The following SLC44A1 variants were observed in gnomAD, a reference collection of about 807,000 sequenced individuals.
SLC44A1 encodes choline transporter-like protein 1.
In SLC44A1, 26 loss-of-function variants were observed where a neutral mutation model predicts 79.3. The ratio of observed to expected loss-of-function variants is 0.33; its 90% confidence interval spans 0.24 to 0.46. The LOEUF is 0.46. SLC44A1 is among the 20% of genes least tolerant of loss of function. The pLI, the probability that SLC44A1 is intolerant of heterozygous loss-of-function variation, is 1.00. For missense variants in SLC44A1, 688 were observed against 798.1 expected (o/e 0.86, Z 1.66); for synonymous variants, 263 against 286.2 (o/e 0.92, Z 0.82).
intron 2 of SLC44A1, among the ~76,000 whole-genome samples, chr9:105,302,769 A>G (rs1830914634): frequency 6.6e-6 from 1 of 152,010 alleles, no homozygotes; most frequent in Non-Finnish European, 1.5e-5. Context: ...GAGACCCACT[A>G]TTATAGGCAC....
intron 5 of SLC44A1, among the ~76,000 whole-genome samples, chr9:105,349,558 G>A (rs1827340715): frequency 6.6e-6 from 1 of 152,100 alleles, no homozygotes. Flanking sequence ...TAGTAAGAGA[G>A]ACTTACAAAT....
intron 15 of SLC44A1, among the ~76,000 whole-genome samples, chr9:105,405,300 G>A (rs183259429): frequency 1.3e-5 from 2 of 150,060 alleles, no homozygotes; most frequent in African/African-American, 2.5e-5. Flanking sequence ...CAGCCTGGGC[G>A]ACAGAGCAAG....
At chr9:105,357,251 C>A (rs890394310) in intron 6 of SLC44A1, 1 of 152,148 alleles carries the variant, frequency 6.6e-6, no homozygotes, top group African/African-American at 2.4e-5. Context: ...ACATTTATTG[C>A]AAAAGTGAGT....
At position 105,382,814 on chromosome 9, in the gene SLC44A1, C is replaced by T. The variant is rs144059626; in HGVS notation, c.1633-309C>T. 4.1e-3 allele frequency among the ~76,000 whole-genome samples: 630 copies of T among 152,174 alleles called. 7 individuals carry two copies. Among genetic ancestry groups the T allele is most frequent in the Non-Finnish European group, 3.4e-3 (233 of 67,988 alleles). On this transcript the variant is annotated intron_variant, in intron 13 of 15. Coordinates refer to ENST00000374720, the MANE Select transcript of SLC44A1 (RefSeq NM_080546.5). ...GTAAATTTTTTCTAAAATATGCATACATTTATCTTAAAAATTGCCACAGAT... is the reference window on the plus strand; with the variant it reads ...GTAAATTTTTTCTAAAATATGCATATATTTATCTTAAAAATTGCCACAGAT...
intron 1 of SLC44A1, among the ~76,000 whole-genome samples, chr9:105,288,431 C>G (rs1213651559): frequency 6.6e-6 from 1 of 152,204 alleles, no homozygotes; most frequent in African/African-American, 2.4e-5. Context: ...CCACTGCAGC[C>G]TCCATTGCCA....
chr9:105,346,575 G>A (rs1479925907), intron 4 of SLC44A1, among the ~76,000 whole-genome samples: 1 of 152,036 alleles, frequency 6.6e-6, no homozygotes, highest in African/African-American at 2.4e-5. Flanking sequence ...TTTTTCATGA[G>A]CAATTCTGTA....
In SLC44A1 at chr9:105,395,863, C is replaced by T; in HGVS notation, c.*6807C>T. 2 of 981,736 alleles carry T rather than the reference C, an allele frequency of 2.0e-6. No homozygotes were observed. Among genetic ancestry groups the T allele is most frequent in the Non-Finnish European group, 2.4e-6 (2 of 828,508 alleles). 60.8% of individuals were successfully genotyped at this position (981,736 alleles called of 1,614,324 possible). On this transcript the variant is annotated 3_prime_UTR_variant, in exon 16 of 16. Transcript: ENST00000374720. ...AGTTGCCACTAGAAAATGTGAGCTC[C>T]TTCTTCATTTACCATGTTGATAATC...
At chr9:105,358,497 T>A in intron 7 of SLC44A1, 64 bp downstream of exon 7, 1 of 848,994 alleles carries the variant, frequency 1.2e-6, no homozygotes, top group Non-Finnish European at 2.0e-6. Context: ...AAAATAGAAA[T>A]ATAAAGAAGA....
chr9:105,382,643 G>A (rs2417642), intron 13 of SLC44A1, among the ~76,000 whole-genome samples: 12,996 of 152,106 alleles, frequency 0.085, 1,877 homozygotes, highest in African/African-American at 0.3. Flanking sequence ...TAAATATGAA[G>A]CATTTATAAT....
chr9:105,284,961 C>CTA (rs561782282), intron 1 of SLC44A1, among the ~76,000 whole-genome samples: 1 of 152,306 alleles, frequency 6.6e-6, no homozygotes, highest in South Asian at 2.1e-4. Context: ...CTTTCTGTCT[C>CTA]TATAGATTTG....
At chr9:105,310,354 T>C (rs1831144298) in intron 3 of SLC44A1, among the ~76,000 whole-genome samples, 1 of 152,160 alleles carries the variant, frequency 6.6e-6, no homozygotes, top group Non-Finnish European at 1.5e-5. Context: ...CTTTAAAATT[T>C]GCTTTGGGTT....
At chr9:105,353,822 T>C (rs1402852758) in intron 5 of SLC44A1, among the ~76,000 whole-genome samples, 5 of 152,120 alleles carry the variant, frequency 3.3e-5, no homozygotes, top group African/African-American at 4.8e-5. Context: ...GATGGAGTTA[T>C]AGATAATCAT....
chr9:105,303,026 G>C (rs1269070350), intron 2 of SLC44A1, among the ~76,000 whole-genome samples: 1 of 152,178 alleles, frequency 6.6e-6, no homozygotes, highest in Non-Finnish European at 1.5e-5. Context: ...CAGTGTTGCA[G>C]ACAAGTGAGA....
At chr9:105,423,503 A>AT (rs1434719140) in intron 15 of SLC44A1, among the ~76,000 whole-genome samples, 1 of 152,112 alleles carries the variant, frequency 6.6e-6, no homozygotes, top group African/African-American at 2.4e-5. Context: ...GAATGTGCAC[A>AT]TTTTTATCCA....
downstream of SLC44A1, among the ~76,000 whole-genome samples, chr9:105,401,715 C>A (rs376466278): frequency 6.6e-6 from 1 of 152,222 alleles, no homozygotes; most frequent in South Asian, 2.1e-4. Context: ...ATGTGTGAGG[C>A]CCATTTCAGA....
intron 1 of SLC44A1, among the ~76,000 whole-genome samples, chr9:105,263,445 CTT>C (rs1564402626): frequency 6.6e-6 from 1 of 151,962 alleles, no homozygotes; most frequent in Non-Finnish European, 1.5e-5. Flanking sequence ...CTTTCAGAAA[CTT>C]TACTGTTCTG....
chr9:105,381,608 C>A (rs1828468142), intron 13 of SLC44A1, among the ~76,000 whole-genome samples: 1 of 150,260 alleles, frequency 6.7e-6, no homozygotes, highest in South Asian at 2.1e-4. Flanking sequence ...ATGGAAATAA[C>A]CCCAGAAAAT....
At chr9:105,295,658 T>C (rs1830703944) in intron 1 of SLC44A1, among the ~76,000 whole-genome samples, 1 of 152,146 alleles carries the variant, frequency 6.6e-6, no homozygotes, top group Non-Finnish European at 1.5e-5. Context: ...AATTTTTCAA[T>C]GTGAGGAGAA....
chr9:105,329,242 G>A (rs1826677150), intron 3 of SLC44A1, among the ~76,000 whole-genome samples: 1 of 152,206 alleles, frequency 6.6e-6, no homozygotes, highest in Non-Finnish European at 1.5e-5. Flanking sequence ...AAAATGATCA[G>A]ACTCCATTTT....
Sources: gnomAD v4.1 joint callset for allele counts (sites outside exome capture counted in the v4.1 genomes callset) on GRCh38, gnomAD v4.1.1 for gene constraint, MANE v1.5 for transcripts, NCBI Gene and HGNC (gene_info 2026-07-23, HGNC 2026-07-21) for gene names.